Variants in CIT observed in about 807,000 individuals in gnomAD.
CIT encodes the protein citron Rho-interacting kinase.
Under a neutral mutation model 272.7 loss-of-function variants are expected in CIT, and 79 were observed. The observed-to-expected ratio is 0.29, with a 90% CI of 0.24 to 0.35. The LOEUF (loss-of-function observed/expected upper bound fraction) is 0.35. CIT is among the 10% of genes least tolerant of loss of function. The pLI is 1.00. For missense variants in CIT, 1,909 were observed against 2,618.3 expected, an observed-to-expected ratio of 0.73 and a Z score of 5.91; for synonymous variants, 948 against 995.6, an observed-to-expected ratio of 0.95 and a Z score of 0.90.
intron 5 of CIT, among the ~76,000 whole-genome samples, chr12:119,843,834 A>C (rs1969588069): frequency 6.6e-6 from 1 of 151,964 alleles, no homozygotes; most frequent in African/African-American, 2.4e-5. Flanking sequence ...TTCAACTGCC[A>C]AGGGAGCGTG....
At chr12:119,743,019 T>C (rs999538625) in intron 23 of CIT, among the ~76,000 whole-genome samples, 2 of 152,088 alleles carry the variant, frequency 1.3e-5, no homozygotes, top group Non-Finnish European at 2.9e-5. Context: ...TAAATATATA[T>C]AGGCTTTCTC....
At chr12:119,736,042 G>A (rs541807358) in intron 24 of CIT, among the ~76,000 whole-genome samples, 1 of 152,246 alleles carries the variant, frequency 6.6e-6, no homozygotes, top group South Asian at 2.1e-4. Flanking sequence ...AGATTTAATC[G>A]GGGTTTGCTA....
chr12:119,804,527 G>A lies in CIT; in HGVS notation c.1112-1138C>T, dbSNP rs1370234485. ...CATGAGTCACTGCCCGCCAGGGCTC[G>A]CTAGAGCTCCCCCTAGGACAGTTGT... On this transcript the variant is annotated intron_variant, in intron 9 of 47. Transcript: ENST00000392521. This position sits in a 1 kb window ranked among gnomAD's most constrained non-coding sequence, Gnocchi z 5.3. The A allele has an allele frequency of 5.1e-6, 5 of 974,066 alleles. No homozygotes were observed. Among genetic ancestry groups the A allele is most frequent in the East Asian group, 1.1e-4 (1 of 8,760 alleles). The allele number at this position is 974,066 out of a possible 1,614,324, so 60.3% of individuals were successfully genotyped here.
rs10699099 is a variant in CIT, at chr12:119,717,838, CT to C, written c.4168+406del. Among the ~76,000 whole-genome samples, 467 of 81,338 alleles carry C rather than the reference CT, an allele frequency of 5.7e-3. 13 individuals carry two copies. The highest frequency in any genetic ancestry group is 0.021 in the African/African-American group (419 of 20,208). The allele number at this position is 81,338 out of a possible 152,430, so 53.4% of individuals were successfully genotyped here. A position where few individuals can be genotyped will look rare whatever the true frequency, so the allele number is the denominator to read the frequency against. ...GGGGAGCCAGGAGACTGACTTCTTT[CT>C]TTTTTTTTTTTTTTTTTTTGAGATG... is the stretch of plus-strand genomic sequence containing the variant. On this transcript the variant is annotated intron_variant, in intron 32 of 47. Coordinates refer to ENST00000392521, the MANE Select transcript of CIT (RefSeq NM_001206999.2).
At position 119,713,754 on chromosome 12, in the gene CIT, A is replaced by G; in HGVS notation, c.4307-106T>C. ...GCTTCTCTACCCCAGCCGGGCCCAGAGAGTCTGGCCCTGGCTTGCAGGTAG... is the reference window on the plus strand; with the variant it reads ...GCTTCTCTACCCCAGCCGGGCCCAGGGAGTCTGGCCCTGGCTTGCAGGTAG... On this transcript the variant is annotated intron_variant, in intron 33 of 47. Transcript: ENST00000392521. This position sits in a 1 kb window ranked among gnomAD's most constrained non-coding sequence, Gnocchi z 5.2. 8.2e-7 allele frequency: 1 copy of G among 1,223,016 alleles called. No individual in the cohort carries two copies. Among genetic ancestry groups the G allele is most frequent in the Non-Finnish European group, 1.2e-6 (1 of 837,310 alleles). 75.8% of individuals were successfully genotyped at this position (1,223,016 alleles called of 1,614,324 possible).
rs532140508 is a variant in CIT at position 119,694,633 on chromosome 12, G to A, written c.5882+3026C>T. ...AGCCTGGGCAATGTGGTAAAACCCT[G>A]TCTCTACAAAAAATACAAAAATTAG... On this transcript the variant is annotated intron_variant, in intron 46 of 47. Coordinates refer to ENST00000392521, the MANE Select transcript of CIT (RefSeq NM_001206999.2). The surrounding 1 kb of genome is among the most constrained non-coding windows in gnomAD (Gnocchi z 4.5). Among the ~76,000 whole-genome samples the A allele has an allele frequency of 5.3e-4, 81 of 151,944 alleles. No homozygotes were observed. The highest frequency in any genetic ancestry group is 1.7e-3 in the African/African-American group (72 of 41,416).
intron 23 of CIT, among the ~76,000 whole-genome samples, chr12:119,745,275 G>T (rs1264777848): frequency 7.1e-6 from 1 of 139,938 alleles, no homozygotes; most frequent in Admixed American, 7.2e-5. Flanking sequence ...GAGAAAGACA[G>T]ATTTCTCACC....
chr12:119,709,762 A>AGAGAGAGAGAAAG (rs1957056944), intron 39 of CIT, among the ~76,000 whole-genome samples: 5 of 120,496 alleles, frequency 4.1e-5, no homozygotes, highest in African/African-American at 1.7e-4. Flanking sequence ...TGGTTCAGGA[A>AGAGAGAGAGAAAG]AGAGAGAGAG....
rs1270584669 is a variant in CIT at position 119,770,584 on chromosome 12, G to A, written c.2208+201C>T. 6.6e-6 allele frequency among the ~76,000 whole-genome samples: 1 copy of A among 150,828 alleles called. No homozygotes were observed. The highest frequency in any genetic ancestry group is 6.6e-5 in the Admixed American group (1 of 15,150). ...AACAGAGCAAAAAACGATATTTACG[G>A]ATCTGTTACCAGTGCTGAAATGTCC... On this transcript the variant is annotated intron_variant, in intron 18 of 47. Coordinates refer to ENST00000392521, the MANE Select transcript of CIT (RefSeq NM_001206999.2). The surrounding 1 kb of genome is among the most constrained non-coding windows in gnomAD (Gnocchi z 4.4).
chr12:119,865,372 AAAG>A (rs1213205735), intron 3 of CIT, among the ~76,000 whole-genome samples: 1 of 152,198 alleles, frequency 6.6e-6, no homozygotes, highest in Non-Finnish European at 1.5e-5. Context: ...ATATTCACAA[AAAG>A]AAGGCACGAG....
chr12:119,794,101 G>A (rs1965533458), intron 10 of CIT, among the ~76,000 whole-genome samples: 1 of 152,154 alleles, frequency 6.6e-6, no homozygotes, highest in Non-Finnish European at 1.5e-5. Context: ...GCCACCCCCA[G>A]GCAGTCTCAA....
At chr12:119,816,061 G>C (rs1390582976) in intron 9 of CIT, among the ~76,000 whole-genome samples, 2 of 152,146 alleles carry the variant, frequency 1.3e-5, no homozygotes, top group Non-Finnish European at 2.9e-5. Context: ...GCCTCACAGA[G>C]GTTTGGGGAA....
Position 119,784,696 on chromosome 12 carries a change from A to G in CIT, c.1401+264T>C. 7.6e-7 allele frequency: 1 copy of G among 1,319,832 alleles called. No homozygotes were observed. 81.8% of individuals were successfully genotyped at this position (1,319,832 alleles called of 1,614,324 possible). A position where few individuals can be genotyped will look rare whatever the true frequency, so the allele number is the denominator to read the frequency against. ...CCAGGCCACCTGCCGGAAGAAGCAG[A>G]CATCTGGCTGGGTCATGCTGAGAAA... On this transcript the variant is annotated intron_variant, in intron 11 of 47. Transcript: ENST00000392521. This position sits in a 1 kb window ranked among gnomAD's most constrained non-coding sequence, Gnocchi z 4.7.
chr12:119,708,470 C>T, intron 39 of CIT, 152 bp from the exon 40 acceptor site: 1 of 733,274 alleles, frequency 1.4e-6, no homozygotes, highest in Non-Finnish European at 1.9e-6. Flanking sequence ...CATTTTAGGT[C>T]CATGATTTAT....
At chr12:119,724,885 G>C (rs1041819374) in intron 28 of CIT, among the ~76,000 whole-genome samples, 1 of 125,120 alleles carries the variant, frequency 8.0e-6, no homozygotes, top group Non-Finnish European at 1.6e-5. Flanking sequence ...GCAGTGAGCC[G>C]AGATCACTGC....
chr12:119,731,813 AAT>A (rs57327382), intron 26 of CIT, among the ~76,000 whole-genome samples: 43,690 of 138,446 alleles, frequency 0.32, 7,321 homozygotes, highest in East Asian at 0.43. Flanking sequence ...TTCTCTCCTA[AAT>A]ATATATATAT....
chr12:119,823,750 G>C (rs1279497568), intron 8 of CIT, among the ~76,000 whole-genome samples: 7 of 152,098 alleles, frequency 4.6e-5, no homozygotes, highest in Non-Finnish European at 1.0e-4. Context: ...TAAGAAATGA[G>C]CTTCACAGGC....
At chr12:119,870,028 C>G (rs1276016063) in intron 2 of CIT, among the ~76,000 whole-genome samples, 1 of 152,152 alleles carries the variant, frequency 6.6e-6, no homozygotes, top group East Asian at 1.9e-4. Context: ...AGTCTGCAAC[C>G]CTGGTATAGA....
intron 32 of CIT, among the ~76,000 whole-genome samples, chr12:119,715,583 G>A (rs1593451948): frequency 6.6e-6 from 1 of 151,542 alleles, no homozygotes; most frequent in South Asian, 2.1e-4. Context: ...TTTGGGTGGG[G>A]GGGTGTCAAA....
Sources: gnomAD v4.1 joint callset for allele counts (sites outside exome capture counted in the v4.1 genomes callset) on GRCh38, gnomAD v4.1.1 for gene constraint, Gnocchi (gnomAD v3.1) non-coding constraint, MANE v1.5 for transcripts, NCBI Gene and HGNC (gene_info 2026-07-23, HGNC 2026-07-21) for gene names.